NXPH1: variants seen among roughly 807,000 people sequenced by gnomAD.
The protein encoded by NXPH1 is neurexophilin-1.
NXPH1 carries 5 observed loss-of-function variants against 23.7 expected under a neutral mutation model. That is an observed-to-expected ratio of 0.21 (90% CI 0.11 to 0.44). NXPH1 has a LOEUF of 0.44. NXPH1 is among the 20% of genes least tolerant of loss of function. The pLI, the probability that NXPH1 is intolerant of heterozygous loss-of-function variation, is 0.99. For missense variants in NXPH1, 324 were observed against 321.6 expected (o/e 1.01, Z -0.06); for synonymous variants, 144 against 122.2 (o/e 1.18, Z -1.18).
chr7:8,751,239 G>A lies in NXPH1; in HGVS notation c.286G>A (p.Asp96Asn), dbSNP rs1174731749. 1 of 1,613,898 alleles carries A rather than the reference G, an allele frequency of 6.2e-7. No individual in the cohort carries two copies. The highest frequency in any genetic ancestry group is 8.5e-7 in the Non-Finnish European group (1 of 1,179,834). Residue 96 changes from aspartate to asparagine, a missense_variant, in exon 3 of 3, where the codon GAC becomes AAC. By Grantham distance (23) the Asp-to-Asn change is conservative. Transcript: ENST00000405863. The surrounding 1 kb of genome is among the most constrained non-coding windows in gnomAD (Gnocchi z 4.5). ...DLWDWLRNST[D>N]LQEPRPRAKR... is the part of the protein sequence containing the mutation. ...CTGGGACTGGCTGAGGAACTCCACAGACCTTCAAGAGCCTCGGCCCAGGGC... is the reference window on the plus strand; with the variant it reads ...CTGGGACTGGCTGAGGAACTCCACAAACCTTCAAGAGCCTCGGCCCAGGGC...
intron 2 of NXPH1, among the ~76,000 whole-genome samples, chr7:8,613,477 T>C (rs1006302149): frequency 5.9e-5 from 9 of 152,144 alleles, no homozygotes; most frequent in East Asian, 1.9e-4. Flanking sequence ...CTTAACAAGC[T>C]GAGTGGGAAC....
chr7:8,451,615 C>A (rs1024432748), intron 2 of NXPH1, among the ~76,000 whole-genome samples: 2 of 152,182 alleles, frequency 1.3e-5, no homozygotes, highest in African/African-American at 4.8e-5. Context: ...AGGTATGTGA[C>A]AATTATTCAG....
At chr7:8,491,044 C>G (rs572251952) in intron 2 of NXPH1, among the ~76,000 whole-genome samples, 1 of 152,134 alleles carries the variant, frequency 6.6e-6, no homozygotes, top group South Asian at 2.1e-4. Flanking sequence ...TTATTATTTA[C>G]TATTAGAAAA....
At chr7:8,675,401 A>C (rs1820936198) in intron 2 of NXPH1, among the ~76,000 whole-genome samples, 1 of 152,174 alleles carries the variant, frequency 6.6e-6, no homozygotes, top group South Asian at 2.1e-4. Flanking sequence ...TTAATATTTG[A>C]GACCAGAATT....
intron 2 of NXPH1, among the ~76,000 whole-genome samples, chr7:8,743,755 T>C (rs2349778): frequency 0.66 from 99,491 of 150,338 alleles, 34,277 homozygotes; most frequent in African/African-American, 0.86. Context: ...GTGATCTTGG[T>C]TCACTGCAAG....
chr7:8,629,482 T>C (rs1348571597), intron 2 of NXPH1, among the ~76,000 whole-genome samples: 2 of 152,162 alleles, frequency 1.3e-5, no homozygotes, highest in East Asian at 3.8e-4. Flanking sequence ...TTGGGGGAGA[T>C]ATTTCATTTA....
At chr7:8,565,388 A>C (rs538005935) in intron 2 of NXPH1, among the ~76,000 whole-genome samples, 2 of 151,868 alleles carry the variant, frequency 1.3e-5, no homozygotes, top group Admixed American at 6.6e-5. Context: ...CAAGGAAGAC[A>C]TAAGTCAATA....
At chr7:8,614,142 G>A (rs536891545) in intron 2 of NXPH1, among the ~76,000 whole-genome samples, 13 of 151,802 alleles carry the variant, frequency 8.6e-5, no homozygotes, top group African/African-American at 2.2e-4. Context: ...TAGTATTTCC[G>A]TGGATGTGCC....
At chr7:8,583,519 A>G (rs1171072193) in intron 2 of NXPH1, among the ~76,000 whole-genome samples, 2 of 152,160 alleles carry the variant, frequency 1.3e-5, no homozygotes, top group Non-Finnish European at 2.9e-5. Context: ...TATCATTATT[A>G]TTATTATTAC....
At chr7:8,701,945 GTGGTTTCCTAACT>G (rs1779629676) in intron 2 of NXPH1, among the ~76,000 whole-genome samples, 1 of 151,468 alleles carries the variant, frequency 6.6e-6, no homozygotes, top group Non-Finnish European at 1.5e-5. Flanking sequence ...ATTTAATTCT[GTGGTTTCCTAACT>G]TGCAAATTTA....
intron 2 of NXPH1, among the ~76,000 whole-genome samples, chr7:8,603,603 C>T (rs540877138): frequency 1.3e-5 from 2 of 152,256 alleles, no homozygotes; most frequent in South Asian, 4.2e-4. Flanking sequence ...GATATCTTTT[C>T]AGCTTTTACC....
At chr7:8,528,498 G>A (rs1817900572) in intron 2 of NXPH1, among the ~76,000 whole-genome samples, 1 of 152,236 alleles carries the variant, frequency 6.6e-6, no homozygotes, top group Admixed American at 6.5e-5. Context: ...CTGCACAGAT[G>A]AAGTGCAAGG....
chr7:8,607,454 C>T (rs927216223), intron 2 of NXPH1, among the ~76,000 whole-genome samples: 1 of 152,092 alleles, frequency 6.6e-6, no homozygotes, highest in African/African-American at 2.4e-5. Flanking sequence ...TAATGAACTT[C>T]ATTAGTTGAT....
intron 2 of NXPH1, among the ~76,000 whole-genome samples, chr7:8,634,678 T>G (rs1487607925): frequency 7.6e-5 from 11 of 144,328 alleles, no homozygotes; most frequent in African/African-American, 1.5e-4. Flanking sequence ...TTTTTTTTTT[T>G]TTTTTTTTTT....
chr7:8,563,526 T>G (rs1394599212), intron 2 of NXPH1, among the ~76,000 whole-genome samples: 1 of 151,764 alleles, frequency 6.6e-6, no homozygotes, highest in Admixed American at 6.6e-5. Context: ...GAAAGGAGGA[T>G]GCAGAAGGGA....
At chr7:8,728,884 C>T (rs1780102158) in intron 2 of NXPH1, among the ~76,000 whole-genome samples, 1 of 151,708 alleles carries the variant, frequency 6.6e-6, no homozygotes, top group South Asian at 2.1e-4. Flanking sequence ...CCCTCTTTTT[C>T]TATTGATTGG....
At chr7:8,560,074 C>G (rs1441477539) in intron 2 of NXPH1, among the ~76,000 whole-genome samples, 1 of 151,688 alleles carries the variant, frequency 6.6e-6, no homozygotes, top group African/African-American at 2.4e-5. Context: ...TTTGATGCCT[C>G]AGTTACAAAA....
At chr7:8,599,037 C>G (rs1374353092) in intron 2 of NXPH1, among the ~76,000 whole-genome samples, 1 of 152,100 alleles carries the variant, frequency 6.6e-6, no homozygotes, top group Non-Finnish European at 1.5e-5. Flanking sequence ...ATGAATCAGC[C>G]AGGGACCCTC....
intron 2 of NXPH1, among the ~76,000 whole-genome samples, chr7:8,695,020 T>G (rs1214245679): frequency 6.6e-6 from 1 of 152,228 alleles, no homozygotes; most frequent in Non-Finnish European, 1.5e-5. Flanking sequence ...TTGGATATAA[T>G]TTTGGATGTC....
Sources: gnomAD v4.1 joint callset for allele counts (sites outside exome capture counted in the v4.1 genomes callset) on GRCh38, gnomAD v4.1.1 for gene constraint, Gnocchi (gnomAD v3.1) non-coding constraint, MANE v1.5 for transcripts, NCBI Gene and HGNC (gene_info 2026-07-23, HGNC 2026-07-21) for gene names.